Variants in TEKT4 observed in about 807,000 individuals in gnomAD.
TEKT4 encodes the protein tektin 4, also known as tektin-4.
In TEKT4, 46 loss-of-function variants were observed where a neutral mutation model predicts 46.0. The observed-to-expected ratio is 1.00, with a 90% CI of 0.79 to 1.28. TEKT4 has a LOEUF of 1.28. Among genes scored for constraint, TEKT4 ranks in the 50% most tolerant of loss-of-function variants. TEKT4 has a pLI of 0.00. For missense variants in TEKT4, 790 were observed against 622.9 expected (o/e 1.27, Z -2.85); for synonymous variants, 325 against 265.8 (o/e 1.22, Z -2.17).
At position 94,876,668 on chromosome 2, in the gene TEKT4, G is replaced by A. The variant is rs141578303; in HGVS notation, c.1207G>A (p.Asp403Asn). Residue 403 changes from aspartate (D) to asparagine (N), a missense_variant, in exon 6 of 6, where the codon GAC becomes AAC. Transcript: ENST00000295201. ...LEDIHMSLEK[D>N]IAAMTNSLFI... ...GGACATCCACATGAGCCTGGAGAAG[G>A]ACATTGCCGCCATGACCAACAGTCT... 1.2e-4 allele frequency: 188 copies of A among 1,613,370 alleles called. No individual in the cohort carries two copies. In the African/African-American group the frequency reaches 1.8e-3, roughly 16 times the overall value.
Position 94,874,871 on chromosome 2 carries a change from T to C in TEKT4, c.809T>C (p.Val270Ala), listed in dbSNP as rs201513474. 109 of 1,609,958 alleles carry C rather than the reference T, an allele frequency of 6.8e-5. No individual in the cohort carries two copies. Among genetic ancestry groups the C allele is most frequent in the Admixed American group, 4.2e-4 (25 of 59,736 alleles). Residue 270 changes from valine to alanine, a missense_variant, in exon 4 of 6, where the codon GTG becomes GCG. Coordinates refer to ENST00000295201, the MANE Select transcript of TEKT4 (RefSeq NM_144705.4). ...RLASANLRVL[V>A]DCILRDTSED... ...GCCTCGGCCAACCTGCGGGTGCTGG[T>C]GGACTGCATCCTTCGCGACACCTCC...
rs1240702990 is a variant in TEKT4, at chr2:94,873,550, C to T, written c.529C>T (p.Leu177=). 4.5e-5 allele frequency: 73 copies of T among 1,612,780 alleles called. No homozygotes were observed. Among genetic ancestry groups the T allele is most frequent in the Non-Finnish European group, 6.2e-5 (73 of 1,179,990 alleles). The change falls in exon 2 of 6, where the codon CTG becomes TTG. Residue 177 remains leucine (L), a synonymous_variant. Coordinates refer to ENST00000295201, the MANE Select transcript of TEKT4 (RefSeq NM_144705.4). ...EAELIRNIQE[L]LKRTIMQAVS... ...CGAGCTCATCCGGAACATTCAGGAGCTGCTGAAGAGAACCATCATGCAAGC... is the reference window on the plus strand; with the variant it reads ...CGAGCTCATCCGGAACATTCAGGAGTTGCTGAAGAGAACCATCATGCAAGC...
intron 3 of TEKT4, 83 bp from the exon 4 acceptor site, chr2:94,874,693 G>A (rs111476946): frequency 3.6e-5 from 46 of 1,266,224 alleles, no homozygotes; most frequent in South Asian, 1.8e-4. Flanking sequence ...CATGGGGCGC[G>A]GACAGGGCAT....
chr2:94,872,225 G>A (rs115366685), intron 1 of TEKT4, 148 bp downstream of exon 1: 3 of 1,067,226 alleles, frequency 2.8e-6, no homozygotes, highest in Admixed American at 5.8e-5. Flanking sequence ...CCGAAATCTG[G>A]CCCCTTAGTG....
intron 1 of TEKT4, 21 bp downstream of exon 1, chr2:94,872,098 C>T (rs1558604220): frequency 1.3e-6 from 2 of 1,514,764 alleles, no homozygotes; most frequent in Non-Finnish European, 1.8e-6. Context: ...CCTTGGGTGG[C>T]CGGGATTTGT....
At chr2:94,875,876 C>T in intron 5 of TEKT4, 134 bp downstream of exon 5, 1 of 873,890 alleles carries the variant, frequency 1.1e-6, no homozygotes, top group Non-Finnish European at 1.8e-6. Context: ...ACTTTGGGGC[C>T]ACACACAACA....
At position 94,872,019 on chromosome 2, in the gene TEKT4, G is replaced by C; in HGVS notation, c.440G>C (p.Arg147Pro). 1 of 1,579,012 alleles carries C rather than the reference G, an allele frequency of 6.3e-7. No homozygotes were observed. Among genetic ancestry groups the C allele is most frequent in the Non-Finnish European group, 8.6e-7 (1 of 1,163,448 alleles). The change falls in exon 1 of 6, where the codon CGT (arginine) becomes CCT (proline). Residue 147 changes from arginine to proline, a missense_variant. Transcript: ENST00000295201. ...FSITTDNLQC[R>P]ERREHPNLVR... ...ATCACCACTGACAACCTGCAGTGCC[G>C]TGAGCGCCGCGAGCACCCCAACCTC...
rs1553394677 is a variant in TEKT4 at position 94,871,935 on chromosome 2, T to C, written c.356T>C (p.Leu119Pro). The C allele has an allele frequency of 6.2e-6, 10 of 1,600,142 alleles. No individual in the cohort carries two copies. The highest frequency in any genetic ancestry group is 7.6e-6 in the Non-Finnish European group (9 of 1,177,530). Reference sequence around the variant, plus strand: ...GCGCTGGCTGCGGAGACCAACTTGCTCCTGGCCCAGAAGCAACGGCTGGAG... The same window carrying C: ...GCGCTGGCTGCGGAGACCAACTTGCCCCTGGCCCAGAAGCAACGGCTGGAG... ...MEALAAETNL[L>P]LAQKQRLERA... The change falls in exon 1 of 6, where the codon CTC (leucine) becomes CCC (proline). Residue 119 changes from leucine to proline, a missense_variant. Physicochemically the swap from Leu to Pro is moderately conservative, Grantham distance 98. Transcript: ENST00000295201.
intron 3 of TEKT4, 145 bp downstream of exon 3, chr2:94,874,253 G>A (rs1169783411): frequency 9.2e-6 from 8 of 872,418 alleles, no homozygotes; most frequent in African/African-American, 1.7e-5. Context: ...CCCCTGGCAT[G>A]AGCAAGCGAC....
At chr2:94,875,856 GGGGA>G in intron 5 of TEKT4, 114 bp downstream of exon 5, 1 of 1,125,040 alleles carries the variant, frequency 8.9e-7, no homozygotes. Flanking sequence ...GGTGCTGAGA[GGGGA>G]GGGAGACTTT....
Position 94,871,434 on chromosome 2 carries a change from TAC to T in TEKT4, c.-142_-141del, listed in dbSNP as rs33986535. Reference sequence around the variant, plus strand: ...TCTTGGCAACAGGAAGCTCTTGGTTTACACAGTGTCACCCAAGCGACTGGGAG... The same window carrying T: ...TCTTGGCAACAGGAAGCTCTTGGTTTACAGTGTCACCCAAGCGACTGGGAG... On this transcript the variant is annotated 5_prime_UTR_variant, in exon 1 of 6. Coordinates refer to ENST00000295201, the MANE Select transcript of TEKT4 (RefSeq NM_144705.4). 122,140 of 1,033,474 alleles carry T rather than the reference TAC, an allele frequency of 0.12. 8,998 individuals carry two copies. The highest frequency in any genetic ancestry group is 0.31 in the African/African-American group (18,994 of 61,804). The allele number at this position is 1,033,474 out of a possible 1,614,324, so 64.0% of individuals were successfully genotyped here. A position where few individuals can be genotyped will look rare whatever the true frequency, so the allele number is the denominator to read the frequency against.
At position 94,872,682 on chromosome 2, in the gene TEKT4, A is replaced by G. The variant is rs151051410; in HGVS notation, c.498+605A>G. On this transcript the variant is annotated intron_variant, in intron 1 of 5. Coordinates refer to ENST00000295201, the MANE Select transcript of TEKT4 (RefSeq NM_144705.4). ...GCCTGGGGCCTCCCTGAGAACCACT[A>G]CAGGCCTGTAGACATTCGTGAAAGA... The G allele has an allele frequency of 6.8e-4, 361 of 534,204 alleles. 3 individuals carry two copies. Among genetic ancestry groups the G allele is most frequent in the African/African-American group, 6.4e-3 (322 of 50,592 alleles). 33.1% of individuals were successfully genotyped at this position (534,204 alleles called of 1,614,324 possible).
intron 5 of TEKT4, 46 bp downstream of exon 5, chr2:94,875,788 T>G: frequency 6.3e-7 from 1 of 1,585,168 alleles, no homozygotes; most frequent in Non-Finnish European, 8.6e-7. Context: ...CCTGTCCACC[T>G]CCTCCCTGTG....
chr2:94,875,668 CG>C lies in TEKT4; in HGVS notation c.1018del (p.Val340Ter). 6.2e-7 allele frequency: 1 copy of C among 1,614,196 alleles called. No individual in the cohort carries two copies. Among genetic ancestry groups the C allele is most frequent in the Non-Finnish European group, 8.5e-7 (1 of 1,180,014 alleles). On this transcript the variant is annotated frameshift_variant, in exon 5 of 6. Transcript: ENST00000295201. LOFTEE classifies it high-confidence loss of function. ...TCAAGGACAAAGAGGCACCTCTGCACGTAGCCCAGACCCGGCTGTACCTGCG... is the reference window on the plus strand; with the variant it reads ...TCAAGGACAAAGAGGCACCTCTGCACTAGCCCAGACCCGGCTGTACCTGCG... ...AIKDKEAPLH[V>X]AQTRLYLRSH...
chr2:94,875,290 T>G (rs112612694), intron 4 of TEKT4, among the ~76,000 whole-genome samples: 1 of 151,986 alleles, frequency 6.6e-6, no homozygotes, highest in Non-Finnish European at 1.5e-5. Context: ...GAATCTAGGG[T>G]CTCAGCGTGG....
rs200676787 is a variant in TEKT4 at position 94,874,882 on chromosome 2, C to T, written c.820C>T (p.Leu274Phe). The T allele has an allele frequency of 6.2e-7, 1 of 1,610,892 alleles. No homozygotes were observed. The highest frequency in any genetic ancestry group is 8.5e-7 in the Non-Finnish European group (1 of 1,179,072). Residue 274 changes from leucine (L) to phenylalanine (F), a missense_variant, in exon 4 of 6, where the codon CTT becomes TTT. Leu to Phe is a conservative substitution (Grantham distance 22, BLOSUM62 0). Coordinates refer to ENST00000295201, the MANE Select transcript of TEKT4 (RefSeq NM_144705.4). ...ANLRVLVDCI[L>F]RDTSEDLRLQ... ...CCTGCGGGTGCTGGTGGACTGCATC[C>T]TTCGCGACACCTCCGAGGACCTGCG...
chr2:94,872,246 G>GCCTGTCA, intron 1 of TEKT4, 169 bp downstream of exon 1: 1 of 855,368 alleles, frequency 1.2e-6, no homozygotes, highest in East Asian at 2.7e-5. Context: ...ACAGGAGGCA[G>GCCTGTCA]CTTTGCCCCA....
intron 1 of TEKT4, 198 bp downstream of exon 1, chr2:94,872,275 A>G: frequency 1.5e-6 from 1 of 658,478 alleles, no homozygotes. Flanking sequence ...CTGACTTCCA[A>G]GCAGCTGTTT....
At chr2:94,873,302 G>A (rs1359467538) in intron 1 of TEKT4, 3 of 1,407,554 alleles carry the variant, frequency 2.1e-6, no homozygotes, top group Non-Finnish European at 1.8e-6. Context: ...GCCCACAGAA[G>A]GCCCTGGAGG....
Sources: gnomAD v4.1 joint callset for allele counts (sites outside exome capture counted in the v4.1 genomes callset) on GRCh38, gnomAD v4.1.1 for gene constraint, MANE v1.5 for transcripts, NCBI Gene and HGNC (gene_info 2026-07-23, HGNC 2026-07-21) for gene names.